RASD2: variants seen among roughly 807,000 people sequenced by gnomAD.
RASD2 encodes the protein RASD family member 2.
In RASD2, 7 loss-of-function variants were observed where a neutral mutation model predicts 15.8. The observed-to-expected ratio is 0.44, with a 90% CI of 0.25 to 0.83. The LOEUF (loss-of-function observed/expected upper bound fraction) is 0.83, where lower values mean the gene tolerates loss of function less well. RASD2 is among the 40% of genes least tolerant of loss of function. The pLI is 0.20. For missense variants in RASD2, 274 were observed against 382.8 expected, an observed-to-expected ratio of 0.72 and a Z score of 2.37; for synonymous variants, 155 against 153.6, an observed-to-expected ratio of 1.01 and a Z score of -0.07.
intron 1 of RASD2, among the ~76,000 whole-genome samples, chr22:35,545,937 T>C (rs1271321634): frequency 6.6e-6 from 1 of 152,050 alleles, no homozygotes; most frequent in African/African-American, 2.4e-5. Flanking sequence ...TGTCGGCCTC[T>C]TTCATGAGGT....
chr22:35,549,144 A>G (rs1052698666), intron 2 of RASD2, among the ~76,000 whole-genome samples: 7 of 152,200 alleles, frequency 4.6e-5, no homozygotes, highest in African/African-American at 7.2e-5. Context: ...CATGTCCCCA[A>G]TCCCAGGCTC....
chr22:35,546,693 A>G (rs779318694), intron 1 of RASD2, 108 bp from the exon 2 acceptor site: 5 of 1,421,702 alleles, frequency 3.5e-6, no homozygotes, highest in Admixed American at 2.7e-5. Context: ...TGATGTTCCC[A>G]TTTTACAGAC....
At position 35,551,292 on chromosome 22, in the gene RASD2, C is replaced by G. The variant is rs1282136804; in HGVS notation, c.272-211C>G. Among the ~76,000 whole-genome samples, 2 of 152,242 alleles carry G rather than the reference C, an allele frequency of 1.3e-5. No homozygotes were observed. Among genetic ancestry groups the G allele is most frequent in the Admixed American group, 6.5e-5 (1 of 15,288 alleles). On this transcript the variant is annotated intron_variant, in intron 2 of 2. Transcript: ENST00000216127. This position sits in a 1 kb window ranked among gnomAD's most constrained non-coding sequence, Gnocchi z 4.9. ...GACTGTGAACAGGGGCTTCAACCCC[C>G]TCAGCCTCAGTTTCCTGTCCTGGAA...
chr22:35,543,637 G>A (rs1362443082), intron 1 of RASD2, among the ~76,000 whole-genome samples: 2 of 152,210 alleles, frequency 1.3e-5, no homozygotes, highest in African/African-American at 4.8e-5. Flanking sequence ...ACTGTCCCCT[G>A]GCGTCCAGGT....
upstream of RASD2, among the ~76,000 whole-genome samples, chr22:35,537,430 T>C (rs570581100): frequency 6.6e-6 from 1 of 152,320 alleles, no homozygotes; most frequent in Non-Finnish European, 1.5e-5. Flanking sequence ...TGACGAGGCA[T>C]GTGTCCAAAA....
chr22:35,548,244 T>G (rs981516957), intron 2 of RASD2, among the ~76,000 whole-genome samples: 3 of 152,210 alleles, frequency 2.0e-5, no homozygotes, highest in Admixed American at 6.5e-5. Context: ...TTCCTGGCTT[T>G]GTACCTCGAG....
At chr22:35,543,292 A>G (rs1934400175) in intron 1 of RASD2, among the ~76,000 whole-genome samples, 1 of 152,140 alleles carries the variant, frequency 6.6e-6, no homozygotes, top group Admixed American at 6.5e-5. Context: ...CAGTATGTGC[A>G]TTCAGATACC....
chr22:35,551,879 C>A lies in RASD2; in HGVS notation c.648C>A (p.Pro216=), dbSNP rs1357035741. 1 of 1,613,832 alleles carries A rather than the reference C, an allele frequency of 6.2e-7. No individual in the cohort carries two copies. Among genetic ancestry groups the A allele is most frequent in the Admixed American group, 1.7e-5 (1 of 60,024 alleles). The change falls in exon 3 of 3, where the codon CCC becomes CCA. Residue 216 remains proline (P), a synonymous_variant. Coordinates refer to ENST00000216127, the MANE Select transcript of RASD2 (RefSeq NM_014310.4). The surrounding 1 kb of genome is among the most constrained non-coding windows in gnomAD (Gnocchi z 4.9). ...ACGGTGACGCCTTCCACCCCAGGCC[C>A]TTCTGCATGCGCCGCGTCAAGGAGA... ...VQYGDAFHPR[P]FCMRRVKEMD...
At chr22:35,537,177 C>T (rs1934257423), upstream of RASD2, among the ~76,000 whole-genome samples, 1 of 152,210 alleles carries the variant, frequency 6.6e-6, no homozygotes, top group African/African-American at 2.4e-5. Context: ...TCAGTTTCCC[C>T]TTCTGTAAGT....
rs779777831 is a variant in RASD2, at chr22:35,551,595, T to A, written c.364T>A (p.Cys122Ser). 12 of 1,614,148 alleles carry A rather than the reference T, an allele frequency of 7.4e-6. No individual in the cohort carries two copies. The highest frequency in any genetic ancestry group is 1.0e-5 in the Non-Finnish European group (12 of 1,180,016). Reference sequence around the variant, plus strand: ...GAAGCAGATCCTGGAGGTCAAGTCCTGCCTGAAGAACAAGACCAAGGAGGC... The same window carrying A: ...GAAGCAGATCCTGGAGGTCAAGTCCAGCCTGAAGAACAAGACCAAGGAGGC... The part of the protein sequence containing the change: ...LQKQILEVKS[C>S]LKNKTKEAAE... The change falls in exon 3 of 3, where the codon TGC becomes AGC. Residue 122 changes from cysteine (C) to serine (S), a missense_variant. Transcript: ENST00000216127. The surrounding 1 kb of genome is among the most constrained non-coding windows in gnomAD (Gnocchi z 4.9).
In RASD2 at chr22:35,551,384, C is replaced by G. The variant is rs1033663510; in HGVS notation, c.272-119C>G. 15 of 968,112 alleles carry G rather than the reference C, an allele frequency of 1.5e-5. No homozygotes were observed. The highest frequency in any genetic ancestry group is 2.7e-4 in the Middle Eastern group (1 of 3,702). 60.0% of individuals were successfully genotyped at this position (968,112 alleles called of 1,614,324 possible). On this transcript the variant is annotated intron_variant, in intron 2 of 2. Transcript: ENST00000216127. This position sits in a 1 kb window ranked among gnomAD's most constrained non-coding sequence, Gnocchi z 4.9. Reference sequence around the variant, plus strand: ...GCTGTGTAGGTTAAAGCAGTTATGCCGCATAACTGCTTCAGGGCACCTGTG... The same window carrying G: ...GCTGTGTAGGTTAAAGCAGTTATGCGGCATAACTGCTTCAGGGCACCTGTG...
At chr22:35,536,326 CTT>C (rs559627212), upstream of RASD2, among the ~76,000 whole-genome samples, 16 of 140,182 alleles carry the variant, frequency 1.1e-4, no homozygotes, top group Admixed American at 7.2e-5. Context: ...CAAACCGTCT[CTT>C]TTTTTTTTTT....
upstream of RASD2, among the ~76,000 whole-genome samples, chr22:35,540,083 C>G (rs538562255): frequency 1.3e-5 from 2 of 152,312 alleles, no homozygotes; most frequent in African/African-American, 4.8e-5. Flanking sequence ...AGGGAGGCGG[C>G]GGCTGGGACA....
chr22:35,540,415 G>A (rs1482600220), upstream of RASD2, among the ~76,000 whole-genome samples: 5 of 148,878 alleles, frequency 3.4e-5, no homozygotes, highest in Non-Finnish European at 7.5e-5. Context: ...GCCGGGCCGC[G>A]GGACCCGCCT....
intron 2 of RASD2, among the ~76,000 whole-genome samples, chr22:35,548,642 G>T (rs1934576477): frequency 3.3e-5 from 5 of 152,222 alleles, no homozygotes; most frequent in Non-Finnish European, 7.3e-5. Context: ...CCCTCCTTGA[G>T]TGCTTTCTCT....
At chr22:35,539,648 A>T (rs1461595999), upstream of RASD2, among the ~76,000 whole-genome samples, 1 of 152,038 alleles carries the variant, frequency 6.6e-6, no homozygotes, top group African/African-American at 2.4e-5. Context: ...GAATTTAATA[A>T]CCTTGCTTTG....
the RASD2 span, among the ~76,000 whole-genome samples, chr22:35,533,532 GTGATGATGGTGGTGATGGTGATGA>G: frequency 1.8e-3 from 270 of 151,980 alleles, no homozygotes; most frequent in African/African-American, 6.2e-3. Flanking sequence ...AATAATGATA[GTGATGATGGTGGTGATGGTGATGA>G]TGATGATGGT....
upstream of RASD2, among the ~76,000 whole-genome samples, chr22:35,536,880 T>C (rs1305245724): frequency 2.0e-5 from 3 of 152,224 alleles, no homozygotes; most frequent in Non-Finnish European, 4.4e-5. Flanking sequence ...TGAGAATTAC[T>C]GCTCTAGCAA....
Position 35,551,482 on chromosome 22 carries a change from A to G in RASD2, c.272-21A>G, listed in dbSNP as rs577996519. ...GTTGCAGCTGGCCGGTGAACTCACT[A>G]CCTGGGCTCTCTCCCTGCAGGGGAT... On this transcript the variant is annotated intron_variant, in intron 2 of 2. Transcript: ENST00000216127. This position sits in a 1 kb window ranked among gnomAD's most constrained non-coding sequence, Gnocchi z 4.9. 1.3e-4 allele frequency: 210 copies of G among 1,598,560 alleles called. 3 individuals are homozygous for G. The South Asian group carries it at 2.2e-3, about 17-fold the overall frequency.
Sources: allele counts gnomAD v4.1 joint callset (sites outside exome capture counted in the v4.1 genomes callset), GRCh38; gene constraint gnomAD v4.1.1; non-coding constraint Gnocchi (gnomAD v3.1); transcripts MANE v1.5; gene names NCBI Gene and HGNC (gene_info 2026-07-23, HGNC 2026-07-21).